BBOF1: variants seen among roughly 807,000 people sequenced by gnomAD.
BBOF1 encodes the protein basal body-orientation factor 1.
In BBOF1, 62 loss-of-function variants were observed where a neutral mutation model predicts 68.0. The ratio of observed to expected loss-of-function variants is 0.91; its 90% confidence interval spans 0.74 to 1.13. The LOEUF (loss-of-function observed/expected upper bound fraction) is 1.13, where lower values mean the gene tolerates loss of function less well. BBOF1 is among the 50% of genes most tolerant of loss of function. The probability of loss-of-function intolerance (pLI) is 0.00; values close to 1 mark genes in which losing one functional copy is unlikely to be tolerated. For synonymous variants in BBOF1, 208 were observed against 198.8 expected (o/e 1.05, Z -0.39); for missense variants, 534 against 600.1 (o/e 0.89, Z 1.15).
Position 74,036,638 on chromosome 14 carries a change from C to T in BBOF1, c.495+2467C>T, listed in dbSNP as rs947086969. ...GGCGGAGGTAACAGTGAACCAAGAT[C>T]ATGCCACTGTACTCCAGCCTGGGTG... On this transcript the variant is annotated intron_variant, in intron 4 of 11. Transcript: ENST00000394009. Among the ~76,000 whole-genome samples the T allele has an allele frequency of 3.6e-5, 5 of 138,884 alleles. No homozygotes were observed. In the South Asian group the frequency reaches 9.1e-4, roughly 25 times the overall value. The allele number at this position is 138,884 out of a possible 152,430, so 91.1% of individuals were successfully genotyped here. A position where few individuals can be genotyped will look rare whatever the true frequency, so the allele number is the denominator to read the frequency against.
At chr14:74,064,631 A>G in intron 11 of BBOF1, 57 bp from the exon 12 acceptor site, 2 of 1,571,308 alleles carry the variant, frequency 1.3e-6, no homozygotes, top group South Asian at 1.1e-5. Context: ...GTTGCTTTGA[A>G]TTATTCAGGA....
chr14:74,046,277 C>T (rs1193042102), intron 6 of BBOF1, 147 bp downstream of exon 6: 1 of 603,846 alleles, frequency 1.7e-6, no homozygotes. Flanking sequence ...CTGTTTCTTT[C>T]TCTTTGTATA....
intron 8 of BBOF1, chr14:74,054,733 A>T (rs2060146365): frequency 7.1e-6 from 1 of 140,646 alleles, no homozygotes; most frequent in Non-Finnish European, 1.5e-5. Flanking sequence ...TCTGGAATGC[A>T]GTGGAGTGAT....
At chr14:74,063,326 A>ACAG (rs2060389209) in intron 11 of BBOF1, among the ~76,000 whole-genome samples, 1 of 151,420 alleles carries the variant, frequency 6.6e-6, no homozygotes, top group South Asian at 2.1e-4. Context: ...AGCTGGGATT[A>ACAG]TAGGCACCTG....
chr14:74,078,473 C>A, intron 10 of BBOF1: 1 of 263,986 alleles, frequency 3.8e-6, no homozygotes, highest in Non-Finnish European at 7.6e-6. Flanking sequence ...CCTGCCTCAG[C>A]CTCCCAAATA....
At chr14:74,062,508 C>T (rs1432648319) in intron 11 of BBOF1, among the ~76,000 whole-genome samples, 4 of 151,934 alleles carry the variant, frequency 2.6e-5, no homozygotes, top group Non-Finnish European at 5.9e-5. Flanking sequence ...GGCATAGATA[C>T]GAGAATTGCT....
At chr14:74,054,066 CAG>C (rs747659303) in intron 8 of BBOF1, among the ~76,000 whole-genome samples, 13 of 152,052 alleles carry the variant, frequency 8.5e-5, no homozygotes, top group East Asian at 3.9e-4. Context: ...TTAGTAGAGA[CAG>C]AGTTTCACCA....
At chr14:74,056,826 T>A (rs1371843297) in intron 9 of BBOF1, 80 bp from the exon 10 acceptor site, 16 of 953,028 alleles carry the variant, frequency 1.7e-5, no homozygotes, top group East Asian at 2.7e-5. Context: ...TAAAAAAAAA[T>A]TAAAATACAA....
chr14:74,024,981 T>C (rs1026687984), intron 2 of BBOF1, among the ~76,000 whole-genome samples: 2 of 152,120 alleles, frequency 1.3e-5, no homozygotes, highest in Admixed American at 6.6e-5. Flanking sequence ...TTGGCCAGGC[T>C]GATCTGGAAC....
chr14:74,024,479 T>G (rs971881469), intron 2 of BBOF1, among the ~76,000 whole-genome samples: 1 of 152,090 alleles, frequency 6.6e-6, no homozygotes. Flanking sequence ...TTTATTATTA[T>G]TTTTGAGACA....
chr14:74,062,156 C>G (rs1359055509), intron 11 of BBOF1, among the ~76,000 whole-genome samples: 1 of 151,046 alleles, frequency 6.6e-6, no homozygotes, highest in Non-Finnish European at 1.5e-5. Flanking sequence ...GAGAATGCAC[C>G]ATTGCACTCC....
At chr14:74,080,690 G>T (rs1207293755) in intron 10 of BBOF1, among the ~76,000 whole-genome samples, 1 of 152,096 alleles carries the variant, frequency 6.6e-6, no homozygotes, top group Non-Finnish European at 1.5e-5. Flanking sequence ...CGATCCTCCT[G>T]CCTGGGCCAC....
intron 2 of BBOF1, among the ~76,000 whole-genome samples, chr14:74,024,302 A>G (rs1047895879): frequency 2.0e-4 from 31 of 151,994 alleles, no homozygotes; most frequent in African/African-American, 5.6e-4. Flanking sequence ...TACACAAAGT[A>G]AAAAATAGCC....
At chr14:74,059,587 AG>A (rs1258405692) in intron 11 of BBOF1, 2 of 262,324 alleles carry the variant, frequency 7.6e-6, no homozygotes, top group Non-Finnish European at 1.5e-5. Flanking sequence ...CCCAGCTACT[AG>A]GGGGGCTGAG....
chr14:74,061,221 G>C (rs1481755705), intron 11 of BBOF1, among the ~76,000 whole-genome samples: 1 of 152,040 alleles, frequency 6.6e-6, no homozygotes, highest in African/African-American at 2.4e-5. Flanking sequence ...CAAGTGATCC[G>C]CCTTCCTCGG....
intron 1 of BBOF1, 101 bp from the exon 2 acceptor site, chr14:74,022,811 TAAAA>T (rs962224281): frequency 4.2e-6 from 2 of 477,530 alleles, no homozygotes; most frequent in African/African-American, 2.0e-5. Context: ...GCAAAACAAA[TAAAA>T]AAAGAGAAAA....
intron 2 of BBOF1, among the ~76,000 whole-genome samples, chr14:74,024,396 C>T (rs1650258926): frequency 6.6e-6 from 1 of 152,140 alleles, no homozygotes; most frequent in Non-Finnish European, 1.5e-5. Flanking sequence ...GTTGAAGCTG[C>T]AGTGAGCCAT....
At chr14:74,055,793 AC>A in intron 9 of BBOF1, 108 bp downstream of exon 9, 5 of 755,392 alleles carry the variant, frequency 6.6e-6, no homozygotes, top group Non-Finnish European at 1.1e-5. Flanking sequence ...ACGGGAAAGG[AC>A]CAGAAAATAT....
chr14:74,029,447 C>G (rs2059512198), intron 3 of BBOF1, among the ~76,000 whole-genome samples, 198 bp downstream of exon 3: 1 of 152,098 alleles, frequency 6.6e-6, no homozygotes, highest in South Asian at 2.1e-4. Flanking sequence ...CTTTGGGATG[C>G]TGAGGCGGCG....
Sources: gnomAD v4.1 joint callset for allele counts (sites outside exome capture counted in the v4.1 genomes callset) on GRCh38, gnomAD v4.1.1 for gene constraint, MANE v1.5 for transcripts, NCBI Gene and HGNC (gene_info 2026-07-23, HGNC 2026-07-21) for gene names.